Variants in ZC3H18 observed in about 807,000 individuals in gnomAD.
ZC3H18 encodes the protein zinc finger CCCH domain-containing protein 18.
Under a neutral mutation model 106.1 loss-of-function variants are expected in ZC3H18, and 8 were observed. That is an observed-to-expected ratio of 0.08 (90% CI 0.04 to 0.14). The LOEUF (loss-of-function observed/expected upper bound fraction) is 0.14. Among genes scored for constraint, ZC3H18 ranks in the 10% least tolerant of loss-of-function variants. The pLI is 1.00. For missense variants in ZC3H18, 1,318 were observed against 1,278.4 expected (o/e 1.03, Z -0.47); for synonymous variants, 635 against 522.1 (o/e 1.22, Z -2.95).
chr16:88,600,368 T>C (rs1904684079), intron 6 of ZC3H18, among the ~76,000 whole-genome samples: 1 of 152,246 alleles, frequency 6.6e-6, no homozygotes, highest in Non-Finnish European at 1.5e-5. Context: ...AGGGCTGTTC[T>C]GCCTTCACTG....
chr16:88,614,389 C>T (rs932264663), intron 8 of ZC3H18, among the ~76,000 whole-genome samples: 1 of 152,220 alleles, frequency 6.6e-6, no homozygotes, highest in African/African-American at 2.4e-5. Flanking sequence ...CTGGACGACA[C>T]CCGCTCTTGT....
At position 88,622,241 on chromosome 16, in the gene ZC3H18, C is replaced by T. The variant is rs773007168; in HGVS notation, c.1520C>T (p.Pro507Leu). 6 of 1,613,172 alleles carry T rather than the reference C, an allele frequency of 3.7e-6. No individual in the cohort carries two copies. The highest frequency in any genetic ancestry group is 3.3e-5 in the South Asian group (3 of 90,958). The change falls in exon 9 of 18, where the codon CCG becomes CTG. Residue 507 changes from proline (P) to leucine (L), a missense_variant. By Grantham distance (98) the Pro-to-Leu change is moderately conservative (BLOSUM62 -3). This residue lies in a region of ZC3H18 where 848 missense variants were observed against 821.7 expected (regional missense o/e 1.03). Transcript: ENST00000301011. ...AAGAAGGAGGCTGCCACCACGGGGCCGCAGGTGAAGAGAGCAGATGAGTGG... is the reference window on the plus strand; with the variant it reads ...AAGAAGGAGGCTGCCACCACGGGGCTGCAGGTGAAGAGAGCAGATGAGTGG... ...PPKKEAATTG[P>L]QVKRADEWKD... is the part of the protein sequence containing the mutation.
At chr16:88,593,316 A>G (rs1220535820) in intron 3 of ZC3H18, among the ~76,000 whole-genome samples, 1 of 152,202 alleles carries the variant, frequency 6.6e-6, no homozygotes, top group African/African-American at 2.4e-5. Flanking sequence ...TTGTTGGCCA[A>G]GAGGGCTGCT....
rs151009473 is a variant in ZC3H18 at position 88,627,771 on chromosome 16, G to T, written c.2258G>T (p.Arg753Met). Reference sequence around the variant, plus strand: ...CGGTCCCCGGCCCCAGCCCAGACCAGGAAGGAGAAAGGTACTCAGGAGCCC... The same window carrying T: ...CGGTCCCCGGCCCCAGCCCAGACCATGAAGGAGAAAGGTACTCAGGAGCCC... Reference protein sequence around the residue: ...SSRSPAPAQTRKEKGKSKKED... With the variant: ...SSRSPAPAQTMKEKGKSKKED... Residue 753 changes from arginine to methionine, a missense_variant, in exon 14 of 18, where the codon AGG becomes ATG. By Grantham distance (91) the Arg-to-Met change is moderately conservative (BLOSUM62 -1). This residue lies in a region of ZC3H18 where 848 missense variants were observed against 821.7 expected (regional missense o/e 1.03). Transcript: ENST00000301011. The surrounding 1 kb of genome is among the most constrained non-coding windows in gnomAD (Gnocchi z 4.5). The T allele has an allele frequency of 6.2e-5, 100 of 1,605,340 alleles. No homozygotes were observed. In the African/African-American group the frequency reaches 9.9e-4, roughly 16 times the overall value.
chr16:88,614,251 G>T (rs1029519110), intron 8 of ZC3H18, among the ~76,000 whole-genome samples: 2 of 152,376 alleles, frequency 1.3e-5, no homozygotes, highest in East Asian at 1.9e-4. Context: ...ACTTGGAGGG[G>T]CCACAGTTCT....
chr16:88,610,605 C>T (rs746326021), intron 7 of ZC3H18, among the ~76,000 whole-genome samples: 1 of 152,210 alleles, frequency 6.6e-6, no homozygotes, highest in Admixed American at 6.5e-5. Flanking sequence ...AGGCCTCAAG[C>T]CTGAAACCCA....
Position 88,630,488 on chromosome 16 carries a change from C to T in ZC3H18, c.2570C>T (p.Ser857Phe), listed in dbSNP as rs1250547059. 2 of 1,613,182 alleles carry T rather than the reference C, an allele frequency of 1.2e-6. No individual in the cohort carries two copies. The highest frequency in any genetic ancestry group is 1.7e-6 in the Non-Finnish European group (2 of 1,179,786). The change falls in exon 17 of 18, where the codon TCT (serine) becomes TTT (phenylalanine). Residue 857 changes from serine to phenylalanine, a missense_variant. Ser to Phe is a radical substitution (Grantham distance 155, BLOSUM62 -2). This residue lies in a region of ZC3H18 where 848 missense variants were observed against 821.7 expected (regional missense o/e 1.03). Transcript: ENST00000301011. ...KRPNTSPDRG[S>F]RDRKSGGRLG... ...TCACTCTGTACCTATCACCCAGGTT[C>T]TCGGGACCGGAAGTCAGGTGGGAGA...
chr16:88,618,988 T>G (rs182975381), intron 8 of ZC3H18, among the ~76,000 whole-genome samples: 1 of 152,260 alleles, frequency 6.6e-6, no homozygotes, highest in African/African-American at 2.4e-5. Flanking sequence ...TTGGTTTTGT[T>G]TATTTTGTAT....
intron 7 of ZC3H18, 189 bp downstream of exon 7, chr16:88,609,240 T>C: frequency 2.5e-6 from 1 of 403,154 alleles, no homozygotes; most frequent in Admixed American, 4.2e-5. Context: ...AATGGTCATT[T>C]GAACAAAGAC....
intron 6 of ZC3H18, among the ~76,000 whole-genome samples, chr16:88,605,908 C>T (rs1453339209): frequency 2.0e-5 from 3 of 152,232 alleles, no homozygotes; most frequent in Non-Finnish European, 4.4e-5. Context: ...TCCTCTCCAG[C>T]GAGGAGTAGG....
At chr16:88,609,449 C>A (rs994561602) in intron 7 of ZC3H18, among the ~76,000 whole-genome samples, 12 of 152,040 alleles carry the variant, frequency 7.9e-5, no homozygotes, top group African/African-American at 2.2e-4. Flanking sequence ...ACGCATGCAC[C>A]ACCATGCCCA....
At chr16:88,600,594 A>G (rs1904696844) in intron 6 of ZC3H18, among the ~76,000 whole-genome samples, 1 of 152,138 alleles carries the variant, frequency 6.6e-6, no homozygotes. Flanking sequence ...TTGTGTTTTT[A>G]GTAGAGATGG....
intron 3 of ZC3H18, among the ~76,000 whole-genome samples, chr16:88,588,842 G>A (rs527764370): frequency 1.3e-5 from 2 of 151,932 alleles, no homozygotes; most frequent in African/African-American, 2.4e-5. Flanking sequence ...TGCCATGATC[G>A]TGCCACTGTA....
Position 88,577,297 on chromosome 16 carries a change from G to A in ZC3H18, c.174G>A (p.Pro58=), listed in dbSNP as rs776346256. 15 of 1,612,446 alleles carry A rather than the reference G, an allele frequency of 9.3e-6. No homozygotes were observed. In the East Asian group the frequency reaches 1.6e-4, roughly 17 times the overall value. Residue 58 remains proline, a synonymous_variant, in exon 2 of 18, where the codon CCG becomes CCA. Coordinates refer to ENST00000301011, the MANE Select transcript of ZC3H18 (RefSeq NM_144604.4). ...ATGAGGAAAGTGCAGCCAGGGGGCC[G>A]AGCCAGGAGGAGGAAGATAATCACT... is the stretch of plus-strand genomic sequence containing the variant. The part of the protein sequence containing the change: ...LEDEESAARG[P]SQEEEDNHSD...
Position 88,630,529 on chromosome 16 carries a change from C to G in ZC3H18, c.2611C>G (p.Pro871Ala), listed in dbSNP as rs1319493425. 1 of 1,613,058 alleles carries G rather than the reference C, an allele frequency of 6.2e-7. No homozygotes were observed. The highest frequency in any genetic ancestry group is 1.3e-5 in the African/African-American group (1 of 74,934). The stretch of plus-strand genomic sequence containing the variant: ...AGGTGGGAGACTGGGCTCCCCGAAG[C>G]CAGAGCGGCAGAGAGGCCAGAACTC... ...KSGGRLGSPK[P>A]ERQRGQNSKA... is the part of the protein sequence containing the mutation. Residue 871 changes from proline (P) to alanine (A), a missense_variant, in exon 17 of 18, where the codon CCA becomes GCA. By Grantham distance (27) the Pro-to-Ala change is conservative (BLOSUM62 -1). Around this residue, in one of 6 missense-constraint regions of ZC3H18, gnomAD observed 848 missense variants for 821.7 expected, o/e 1.03. Coordinates refer to ENST00000301011, the MANE Select transcript of ZC3H18 (RefSeq NM_144604.4).
chr16:88,581,313 G>A (rs1212877462), intron 2 of ZC3H18, among the ~76,000 whole-genome samples: 6 of 152,186 alleles, frequency 3.9e-5, no homozygotes, highest in African/African-American at 9.7e-5. Flanking sequence ...TTTCAGAAGC[G>A]CTTTCTCTTC....
chr16:88,606,572 C>T (rs1905021253), intron 6 of ZC3H18, among the ~76,000 whole-genome samples: 1 of 152,246 alleles, frequency 6.6e-6, no homozygotes, highest in African/African-American at 2.4e-5. Context: ...CAATCAGCCT[C>T]AGCCCACCGA....
intron 3 of ZC3H18, among the ~76,000 whole-genome samples, chr16:88,590,624 G>A (rs1274114734): frequency 7.4e-6 from 1 of 135,392 alleles, no homozygotes; most frequent in Non-Finnish European, 1.6e-5. Flanking sequence ...GTGCAATGGT[G>A]AGATCTCGGC....
chr16:88,575,886 TTTTGTTTG>T (rs774966728), intron 1 of ZC3H18, among the ~76,000 whole-genome samples: 5 of 148,782 alleles, frequency 3.4e-5, no homozygotes, highest in Non-Finnish European at 6.1e-5. Context: ...GTGACTTAGT[TTTTGTTTG>T]TTTGTTTGTT....
Sources: allele counts gnomAD v4.1 joint callset (sites outside exome capture counted in the v4.1 genomes callset), GRCh38; gene constraint gnomAD v4.1.1; regional missense constraint gnomAD v4.1.1; non-coding constraint Gnocchi (gnomAD v3.1); transcripts MANE v1.5; gene names NCBI Gene and HGNC (gene_info 2026-07-23, HGNC 2026-07-21).